FKBP5: variants seen among roughly 807,000 people sequenced by gnomAD.
FKBP5 encodes the protein peptidyl-prolyl cis-trans isomerase FKBP5.
FKBP5 carries 23 observed loss-of-function variants against 50.5 expected under a neutral mutation model. The ratio of observed to expected loss-of-function variants is 0.46; its 90% CI spans 0.33 to 0.65. The LOEUF (loss-of-function observed/expected upper bound fraction) is 0.65. Ranked by LOEUF, FKBP5 falls within the 30% of genes least tolerant of loss-of-function variation. FKBP5 has a pLI of 0.02. For missense variants in FKBP5, 411 were observed against 553.1 expected (o/e 0.74, Z 2.58); for synonymous variants, 176 against 190.6 (o/e 0.92, Z 0.63).
intron 6 of FKBP5, among the ~76,000 whole-genome samples, chr6:35,596,126 G>C (rs546133763): frequency 6.6e-6 from 1 of 152,026 alleles, no homozygotes; most frequent in Admixed American, 6.6e-5. Context: ...AGGCTGAGGC[G>C]GGAGGATCAC....
chr6:35,590,300 CAA>C (rs59847478), intron 7 of FKBP5, among the ~76,000 whole-genome samples: 1 of 141,992 alleles, frequency 7.0e-6, no homozygotes. Context: ...GACCCTATCT[CAA>C]AAAAAAAAAA....
At chr6:35,602,064 T>C (rs1025017140) in intron 5 of FKBP5, among the ~76,000 whole-genome samples, 11 of 152,134 alleles carry the variant, frequency 7.2e-5, no homozygotes, top group African/African-American at 2.7e-4. Flanking sequence ...CCTAGAGCAA[T>C]TTTGTTTTGA....
chr6:35,606,754 T>C (rs1763334831), intron 5 of FKBP5, among the ~76,000 whole-genome samples: 1 of 149,042 alleles, frequency 6.7e-6, no homozygotes, highest in African/African-American at 2.5e-5. Flanking sequence ...TTAAACAGTG[T>C]TGATGAGAAT....
intron 2 of FKBP5, among the ~76,000 whole-genome samples, chr6:35,639,985 A>C (rs1218510645): frequency 1.3e-5 from 2 of 152,262 alleles, no homozygotes; most frequent in African/African-American, 4.8e-5. Flanking sequence ...AACCTTTCTC[A>C]GATTCAGTTT....
chr6:35,722,655 C>T (rs142246515), intron 1 of FKBP5, among the ~76,000 whole-genome samples: 358 of 152,322 alleles, frequency 2.4e-3, no homozygotes, highest in Non-Finnish European at 3.7e-3. Context: ...CAGAGAACAC[C>T]GGGCTGCTTC....
At chr6:35,695,869 G>A (rs1230045693) in intron 2 of FKBP5, among the ~76,000 whole-genome samples, 1 of 152,136 alleles carries the variant, frequency 6.6e-6, no homozygotes, top group African/African-American at 2.4e-5. Flanking sequence ...TTTAGGCCGG[G>A]CGTGGTGGCT....
chr6:35,603,709 GAC>G (rs987969663), intron 5 of FKBP5, among the ~76,000 whole-genome samples: 3 of 151,130 alleles, frequency 2.0e-5, no homozygotes, highest in African/African-American at 7.3e-5. Flanking sequence ...CTTTTTTTGA[GAC>G]AGAGTCTCGT....
chr6:35,654,614 C>T (rs555619707), intron 1 of FKBP5, among the ~76,000 whole-genome samples: 2 of 151,324 alleles, frequency 1.3e-5, no homozygotes, highest in Non-Finnish European at 2.9e-5. Flanking sequence ...TTATGCATTG[C>T]CTTTTTTGTT....
At chr6:35,657,545 C>T (rs1045642231) in intron 1 of FKBP5, among the ~76,000 whole-genome samples, 3 of 152,204 alleles carry the variant, frequency 2.0e-5, no homozygotes, top group South Asian at 2.1e-4. Flanking sequence ...TAAGAACCCA[C>T]GTGATTAAGT....
intron 1 of FKBP5, among the ~76,000 whole-genome samples, chr6:35,649,120 G>A (rs1199041861): frequency 6.6e-6 from 1 of 151,556 alleles, no homozygotes; most frequent in Non-Finnish European, 1.5e-5. Context: ...GCGTGGTGGC[G>A]AGCGCCTGTA....
At chr6:35,591,372 G>T in intron 6 of FKBP5, 152 bp from the exon 7 acceptor site, 1 of 570,398 alleles carries the variant, frequency 1.8e-6, no homozygotes, top group Non-Finnish European at 3.1e-6. Flanking sequence ...AGAAGATACA[G>T]TGTGAAGTAT....
intron 3 of FKBP5, among the ~76,000 whole-genome samples, chr6:35,634,625 C>T (rs1209352056): frequency 6.6e-6 from 1 of 152,090 alleles, no homozygotes; most frequent in African/African-American, 2.4e-5. Context: ...TTTCCAGATC[C>T]ATGCTTAGTT....
intron 8 of FKBP5, chr6:35,583,079 C>CCT (rs10631894): frequency 0.035 from 34,594 of 982,992 alleles, 1,666 homozygotes; most frequent in African/African-American, 0.22. Context: ...AGAGTAAGAC[C>CCT]CTCTCTCTCT....
chr6:35,620,404 G>T, intron 3 of FKBP5, 130 bp from the exon 4 acceptor site: 1 of 855,438 alleles, frequency 1.2e-6, no homozygotes, highest in Non-Finnish European at 1.8e-6. Flanking sequence ...GCTACAAGAT[G>T]ACAGAGTGCT....
chr6:35,594,811 T>G (rs952132209), intron 6 of FKBP5, among the ~76,000 whole-genome samples: 1 of 152,228 alleles, frequency 6.6e-6, no homozygotes, highest in Non-Finnish European at 1.5e-5. Context: ...ACAAAAATAA[T>G]GTTCCTTTCT....
chr6:35,691,542 A>G (rs1765986969), upstream of FKBP5, among the ~76,000 whole-genome samples: 1 of 152,168 alleles, frequency 6.6e-6, no homozygotes, highest in African/African-American at 2.4e-5. Context: ...ACACCGCAGC[A>G]ACAACAACAG....
chr6:35,577,062 C>T lies in FKBP5; in HGVS notation c.1198G>A (p.Glu400Lys), dbSNP rs780579204. The T allele has an allele frequency of 3.1e-6, 5 of 1,614,058 alleles. No homozygotes were observed. The Admixed American group carries it at 6.7e-5, about 22-fold the overall frequency. ...QISMCQKKAK[E>K]HNERDRRIYA... is the part of the protein sequence containing the mutation. ...ATCCTGCGGTCCCGCTCGTTGTGCT[C>T]CTTGGCCTTTTTCTGGCACATGGAG... Residue 400 changes from glutamate (E) to lysine (K), a missense_variant, in exon 10 of 11, where the codon GAG (glutamate) becomes AAG (lysine). Physicochemically the swap from Glu to Lys is moderately conservative, Grantham distance 56. This residue lies in a region of FKBP5 where 88 missense variants were observed against 89.0 expected (regional missense o/e 0.99). Transcript: ENST00000357266.
chr6:35,723,630 C>T (rs1766651419), intron 1 of FKBP5, among the ~76,000 whole-genome samples: 1 of 152,166 alleles, frequency 6.6e-6, no homozygotes. Flanking sequence ...GAAAGATAAA[C>T]AAAGAAGAAT....
rs1322339120 is a variant in FKBP5 at position 35,573,894 on chromosome 6, T to C, written c.*1941A>G. ...TTTGCCAGTTCCCCCTGGTGAACCA[T>C]AATACACACGTGGGAGACAGCTGGC... On this transcript the variant is annotated 3_prime_UTR_variant, in exon 11 of 11. Coordinates refer to ENST00000357266, the MANE Select transcript of FKBP5 (RefSeq NM_004117.4). 1.3e-5 allele frequency: 2 copies of C among 152,198 alleles called. No homozygotes were observed. The highest frequency in any genetic ancestry group is 4.8e-5 in the African/African-American group (2 of 41,444). The allele number at this position is 152,198 out of a possible 1,614,324, so 9.4% of individuals were successfully genotyped here. A position where few individuals can be genotyped will look rare whatever the true frequency, so the allele number is the denominator to read the frequency against.
Sources: gnomAD v4.1 joint callset for allele counts (sites outside exome capture counted in the v4.1 genomes callset) on GRCh38, gnomAD v4.1.1 for gene constraint, gnomAD v4.1.1 regional missense constraint, MANE v1.5 for transcripts, NCBI Gene and HGNC (gene_info 2026-07-23, HGNC 2026-07-21) for gene names.